PTPRM: variants seen among roughly 807,000 people sequenced by gnomAD.
PTPRM encodes the protein protein tyrosine phosphatase receptor type M, also known as receptor-type tyrosine-protein phosphatase mu.
PTPRM carries 47 observed loss-of-function variants against 186.7 expected under a neutral mutation model. The observed-to-expected ratio is 0.25, with a 90% CI of 0.20 to 0.32. The LOEUF (loss-of-function observed/expected upper bound fraction) is 0.32. Among genes scored for constraint, PTPRM ranks in the 10% least tolerant of loss-of-function variants. The pLI, the probability that PTPRM is intolerant of heterozygous loss-of-function variation, is 1.00. For missense variants in PTPRM, 1,494 were observed against 1,865.0 expected, an observed-to-expected ratio of 0.80 and a Z score of 3.66; for synonymous variants, 668 against 674.9, an observed-to-expected ratio of 0.99 and a Z score of 0.16.
At chr18:7,845,099 GCA>G (rs2046527905) in intron 2 of PTPRM, among the ~76,000 whole-genome samples, 1 of 152,144 alleles carries the variant, frequency 6.6e-6, no homozygotes, top group Non-Finnish European at 1.5e-5. Context: ...GTTCTCTGAG[GCA>G]CTGACTTAAC....
At chr18:8,329,576 A>T (rs1431426067) in intron 22 of PTPRM, among the ~76,000 whole-genome samples, 1 of 152,348 alleles carries the variant, frequency 6.6e-6, no homozygotes, top group South Asian at 2.1e-4. Context: ...CTCTGGCAAC[A>T]TGAGTCCTTG....
chr18:7,833,289 C>T (rs959518085), intron 2 of PTPRM, among the ~76,000 whole-genome samples: 1 of 152,086 alleles, frequency 6.6e-6, no homozygotes, highest in African/African-American at 2.4e-5. Context: ...TCTTCAATTT[C>T]TTCAACAGGG....
At chr18:8,063,445 G>C (rs1714066891) in intron 7 of PTPRM, among the ~76,000 whole-genome samples, 2 of 152,142 alleles carry the variant, frequency 1.3e-5, no homozygotes, top group Admixed American at 6.5e-5. Flanking sequence ...GACCGGAGCT[G>C]TTCCTATTCG....
chr18:7,812,194 T>A (rs631574), intron 2 of PTPRM, among the ~76,000 whole-genome samples: 15 of 152,138 alleles, frequency 9.9e-5, no homozygotes, highest in African/African-American at 3.6e-4. Flanking sequence ...ATTCCCAGTT[T>A]TTCTCTGCCC....
chr18:7,924,251 A>G (rs1200264834), intron 4 of PTPRM, among the ~76,000 whole-genome samples: 3 of 152,176 alleles, frequency 2.0e-5, no homozygotes, highest in African/African-American at 7.2e-5. Flanking sequence ...AAGTTTTATC[A>G]AGTCATCCAG....
chr18:8,272,529 T>C (rs953313339), intron 19 of PTPRM, among the ~76,000 whole-genome samples: 18 of 152,128 alleles, frequency 1.2e-4, no homozygotes, highest in Non-Finnish European at 2.4e-4. Context: ...TAAATATTTT[T>C]AGTTTTTAAT....
intron 14 of PTPRM, among the ~76,000 whole-genome samples, chr18:8,223,395 A>G (rs114810361): frequency 0.013 from 1,914 of 152,342 alleles, 34 homozygotes; most frequent in African/African-American, 0.043. Flanking sequence ...TAGATTAACA[A>G]AAGGCTTTTC....
At chr18:7,716,098 T>G (rs1286000391) in intron 1 of PTPRM, among the ~76,000 whole-genome samples, 1 of 152,184 alleles carries the variant, frequency 6.6e-6, no homozygotes. Flanking sequence ...TCACGCTACC[T>G]GACTTCAAAC....
chr18:8,397,831 A>C (rs2095852410), intron 32 of PTPRM, among the ~76,000 whole-genome samples: 1 of 152,154 alleles, frequency 6.6e-6, no homozygotes, highest in Non-Finnish European at 1.5e-5. Flanking sequence ...TTAACATAGA[A>C]ATGGTCTTCA....
At chr18:7,829,873 C>A (rs1236772955) in intron 2 of PTPRM, among the ~76,000 whole-genome samples, 1 of 152,074 alleles carries the variant, frequency 6.6e-6, no homozygotes, top group Non-Finnish European at 1.5e-5. Context: ...TTTACTTTCC[C>A]CCCTTTTTTG....
intron 7 of PTPRM, among the ~76,000 whole-genome samples, chr18:8,032,728 T>C (rs1417932110): frequency 3.3e-5 from 5 of 152,034 alleles, no homozygotes; most frequent in Non-Finnish European, 4.4e-5. Context: ...TATAGCTCAG[T>C]AGGATAAAAA....
At chr18:7,963,730 C>T (rs1167150624) in intron 7 of PTPRM, among the ~76,000 whole-genome samples, 1 of 152,206 alleles carries the variant, frequency 6.6e-6, no homozygotes, top group Non-Finnish European at 1.5e-5. Flanking sequence ...CCGTTTCAGG[C>T]TGTATTTTGT....
intron 14 of PTPRM, among the ~76,000 whole-genome samples, chr18:8,211,608 T>C (rs959540123): frequency 2.6e-5 from 4 of 151,960 alleles, no homozygotes; most frequent in Admixed American, 1.3e-4. Context: ...TTTCACCATG[T>C]TAGCCAGGCT....
At chr18:8,234,754 G>A (rs1422068064) in intron 14 of PTPRM, among the ~76,000 whole-genome samples, 1 of 151,958 alleles carries the variant, frequency 6.6e-6, no homozygotes, top group Non-Finnish European at 1.5e-5. Context: ...GTTGAGGGGT[G>A]TTCCCCTCTA....
intron 2 of PTPRM, among the ~76,000 whole-genome samples, chr18:7,839,514 A>T (rs1199516148): frequency 6.6e-6 from 1 of 152,208 alleles, no homozygotes; most frequent in Non-Finnish European, 1.5e-5. Flanking sequence ...AGGGGGCCTC[A>T]TGATTCTGAG....
At chr18:7,689,933 T>C (rs551869590) in intron 1 of PTPRM, among the ~76,000 whole-genome samples, 14 of 152,242 alleles carry the variant, frequency 9.2e-5, no homozygotes, top group Admixed American at 2.0e-4. Flanking sequence ...CATTGCTCTA[T>C]TTACATTATC....
At chr18:8,024,823 A>G (rs138516101) in intron 7 of PTPRM, among the ~76,000 whole-genome samples, 25 of 151,768 alleles carry the variant, frequency 1.6e-4, no homozygotes, top group Admixed American at 5.3e-4. Context: ...AGCTGGTACT[A>G]CAGATGCATG....
At chr18:7,585,366 CAG>C (rs1205366064) in intron 1 of PTPRM, among the ~76,000 whole-genome samples, 1 of 152,064 alleles carries the variant, frequency 6.6e-6, no homozygotes, top group Non-Finnish European at 1.5e-5. Flanking sequence ...TGGGAAATTG[CAG>C]AGAGGATTGG....
chr18:7,947,932 T>C (rs1272327954), intron 5 of PTPRM, among the ~76,000 whole-genome samples: 1 of 152,096 alleles, frequency 6.6e-6, no homozygotes, highest in Non-Finnish European at 1.5e-5. Flanking sequence ...TTGGGTACCA[T>C]TGTGATCATG....
Sources: gnomAD v4.1 joint callset for allele counts (sites outside exome capture counted in the v4.1 genomes callset) on GRCh38, gnomAD v4.1.1 for gene constraint, MANE v1.5 for transcripts, NCBI Gene and HGNC (gene_info 2026-07-23, HGNC 2026-07-21) for gene names.